Variants in MICAL3 observed in about 807,000 individuals in gnomAD.
The protein encoded by MICAL3 is [F-actin]-monooxygenase MICAL3.
In MICAL3, 62 loss-of-function variants were observed where a neutral mutation model predicts 207.4. That is an observed-to-expected ratio of 0.30 (90% CI 0.24 to 0.37). The LOEUF (loss-of-function observed/expected upper bound fraction) is 0.37. Ranked by LOEUF, MICAL3 falls within the 10% of genes least tolerant of loss-of-function variation. The pLI is 1.00. For synonymous variants in MICAL3, 1,077 were observed against 1,069.3 expected (o/e 1.01, Z -0.14); for missense variants, 2,368 against 2,635.6 (o/e 0.90, Z 2.22).
chr22:17,841,775 C>T lies in MICAL3; in HGVS notation c.2801+47G>A. On this transcript the variant is annotated intron_variant, in intron 20 of 31. Coordinates refer to ENST00000441493, the MANE Select transcript of MICAL3 (RefSeq NM_015241.3). The surrounding 1 kb of genome is among the most constrained non-coding windows in gnomAD (Gnocchi z 4.2). ...CGAGACACACAGAGGTGAGGAGGCT[C>T]TTAGGGCCGTGTGGCGGGTGGGCGC... 1 of 1,536,710 alleles carries T rather than the reference C, an allele frequency of 6.5e-7. No individual in the cohort carries two copies. The highest frequency in any genetic ancestry group is 8.8e-7 in the Non-Finnish European group (1 of 1,139,436).
At chr22:17,947,900 T>C (rs1158075358) in intron 1 of MICAL3, among the ~76,000 whole-genome samples, 3 of 151,982 alleles carry the variant, frequency 2.0e-5, no homozygotes. Context: ...CCGCTTCAAA[T>C]ACAGTTATGA....
chr22:17,916,099 A>C (rs1006026499), intron 1 of MICAL3, among the ~76,000 whole-genome samples: 4 of 151,624 alleles, frequency 2.6e-5, no homozygotes, highest in Admixed American at 1.3e-4. Context: ...GCAACAAAAA[A>C]CAAAAACCAA....
chr22:17,875,484 G>GC (rs1327937852), intron 16 of MICAL3: 5 of 1,556,414 alleles, frequency 3.2e-6, no homozygotes, highest in Non-Finnish European at 4.3e-6. Flanking sequence ...GGCGGGGCGG[G>GC]CAGAGGAGCG....
At chr22:17,830,713 G>T (rs761257274) in intron 21 of MICAL3, among the ~76,000 whole-genome samples, 15 of 152,196 alleles carry the variant, frequency 9.9e-5, no homozygotes, top group Non-Finnish European at 2.2e-4. Flanking sequence ...GGTCACTAAG[G>T]GCTGCCTGTG....
intron 1 of MICAL3, among the ~76,000 whole-genome samples, chr22:18,023,773 G>T (rs2146522743): frequency 6.6e-6 from 1 of 152,330 alleles, no homozygotes; most frequent in East Asian, 1.9e-4. Context: ...CGGGTGCAGG[G>T]CCCCTCTGCC....
chr22:17,853,047 C>A (rs1376553058), intron 19 of MICAL3, among the ~76,000 whole-genome samples: 1 of 151,320 alleles, frequency 6.6e-6, no homozygotes, highest in African/African-American at 2.4e-5. Flanking sequence ...TGCACTCCAC[C>A]CTAGGTGACA....
In MICAL3 at chr22:17,926,405, A is replaced by G. The variant is rs576323500; in HGVS notation, c.-74-19519T>C. On this transcript the variant is annotated intron_variant, in intron 1 of 31. Coordinates refer to ENST00000441493, the MANE Select transcript of MICAL3 (RefSeq NM_015241.3). ...CTCTCCTGCCCTGGTTTCTCTGTGC[A>G]TGCTCCTCCGGCTTTTTATGCCACT... Among the ~76,000 whole-genome samples the G allele has an allele frequency of 3.9e-5, 6 of 152,330 alleles. No homozygotes were observed. In the South Asian group the frequency reaches 1.2e-3, roughly 32 times the overall value.
intron 1 of MICAL3, among the ~76,000 whole-genome samples, chr22:17,951,391 C>T (rs189466579): frequency 6.6e-6 from 1 of 152,090 alleles, no homozygotes; most frequent in Admixed American, 6.6e-5. Flanking sequence ...TGAAATTCAG[C>T]AATGGAAAGT....
intron 27 of MICAL3, among the ~76,000 whole-genome samples, chr22:17,812,071 T>C (rs1284621970): frequency 6.6e-6 from 1 of 152,180 alleles, no homozygotes; most frequent in Non-Finnish European, 1.5e-5. Context: ...TTTATAGACT[T>C]CAAAGAAGAC....
chr22:17,857,422 C>T (rs1488440856), intron 19 of MICAL3, among the ~76,000 whole-genome samples: 3 of 152,190 alleles, frequency 2.0e-5, no homozygotes, highest in Non-Finnish European at 4.4e-5. Context: ...CACTGCCCAC[C>T]CCAGTCTGTG....
chr22:17,907,934 T>G (rs1269507874), intron 1 of MICAL3, among the ~76,000 whole-genome samples: 1 of 152,192 alleles, frequency 6.6e-6, no homozygotes, highest in Non-Finnish European at 1.5e-5. Context: ...TATCTATGCC[T>G]TCCACCTATG....
At chr22:17,843,259 T>C (rs1924256073) in intron 19 of MICAL3, among the ~76,000 whole-genome samples, 1 of 152,214 alleles carries the variant, frequency 6.6e-6, no homozygotes. Context: ...GTTTTACAAC[T>C]GTGCTTTGGT....
chr22:17,893,575 C>T (rs1237138026), intron 11 of MICAL3, among the ~76,000 whole-genome samples: 2 of 152,176 alleles, frequency 1.3e-5, no homozygotes, highest in African/African-American at 2.4e-5. Flanking sequence ...TCGTGCACTG[C>T]GGGATGTTCA....
At chr22:17,792,371 G>T (rs907767707) in intron 29 of MICAL3, among the ~76,000 whole-genome samples, 4 of 152,166 alleles carry the variant, frequency 2.6e-5, no homozygotes, top group Non-Finnish European at 5.9e-5. Flanking sequence ...GCTGCTCCTG[G>T]GCTTCCTGGG....
At chr22:17,800,627 G>A (rs925044691) in intron 29 of MICAL3, among the ~76,000 whole-genome samples, 5 of 152,120 alleles carry the variant, frequency 3.3e-5, no homozygotes, top group Admixed American at 6.5e-5. Flanking sequence ...GGTAGGAGTC[G>A]GCCCCTCTGG....
At chr22:17,843,933 G>A (rs988049500) in intron 19 of MICAL3, among the ~76,000 whole-genome samples, 8 of 151,806 alleles carry the variant, frequency 5.3e-5, no homozygotes, top group African/African-American at 9.7e-5. Flanking sequence ...TGCAACCTCC[G>A]CCTCCCAGGT....
intron 1 of MICAL3, among the ~76,000 whole-genome samples, chr22:18,022,035 T>G (rs390495): frequency 0.67 from 101,461 of 152,010 alleles, 34,983 homozygotes; most frequent in African/African-American, 0.85. Context: ...ATTTTCTAGT[T>G]TATGTAAAAT....
intron 19 of MICAL3, among the ~76,000 whole-genome samples, chr22:17,852,754 G>A (rs1602057187): frequency 1.3e-5 from 2 of 152,098 alleles, no homozygotes; most frequent in East Asian, 1.9e-4. Flanking sequence ...TCACATTTCC[G>A]ACTTTCAGGT....
intron 19 of MICAL3, among the ~76,000 whole-genome samples, chr22:17,850,399 A>ACTTT (rs1925180634): frequency 1.5e-5 from 1 of 66,692 alleles, no homozygotes; most frequent in Non-Finnish European, 3.1e-5. Context: ...CTTTTGAATT[A>ACTTT]GTTTTTTTTT....
Sources: allele counts gnomAD v4.1 joint callset (sites outside exome capture counted in the v4.1 genomes callset), GRCh38; gene constraint gnomAD v4.1.1; non-coding constraint Gnocchi (gnomAD v3.1); transcripts MANE v1.5; gene names NCBI Gene and HGNC (gene_info 2026-07-23, HGNC 2026-07-21).